Variants in FRMD1 observed in about 807,000 individuals in gnomAD.
The protein encoded by FRMD1 is FERM domain containing 1, also known as FERM domain-containing protein 1.
In FRMD1, 51 loss-of-function variants were observed where a neutral mutation model predicts 54.9. That is an observed-to-expected ratio of 0.93 (90% confidence interval 0.74 to 1.17). The LOEUF (loss-of-function observed/expected upper bound fraction) is 1.17. Ranked by LOEUF, FRMD1 falls within the 50% of genes most tolerant of loss-of-function variation. FRMD1 has a pLI of 0.00. For missense variants in FRMD1, 729 were observed against 743.0 expected (o/e 0.98, Z 0.22); for synonymous variants, 324 against 306.4 (o/e 1.06, Z -0.60).
intron 2 of FRMD1, among the ~76,000 whole-genome samples, chr6:168,074,403 G>C (rs570085109): frequency 6.6e-6 from 1 of 152,182 alleles, no homozygotes; most frequent in East Asian, 1.9e-4. Context: ...TGAGTGGTGC[G>C]TAACTGCATG....
Position 168,075,330 on chromosome 6 carries a change from C to T in FRMD1, c.219G>A (p.Lys73=), listed in dbSNP as rs754506270. The part of the protein sequence containing the change: ...REQLRLAVGV[K]ATGRELFQQV... ...GCTGGAAAAGCTCGCGGCCAGTAGC[C>T]TTCACCTGCAAAAGAGGTGGGGAGG... The change falls in exon 2 of 11, where the codon AAG becomes AAA. Residue 73 remains lysine (K), a synonymous_variant. Coordinates refer to ENST00000283309, the MANE Select transcript of FRMD1 (RefSeq NM_024919.6). The T allele has an allele frequency of 1.2e-5, 19 of 1,612,618 alleles. No individual in the cohort carries two copies. The highest frequency in any genetic ancestry group is 1.5e-5 in the Non-Finnish European group (18 of 1,179,934).
intron 2 of FRMD1, among the ~76,000 whole-genome samples, chr6:168,073,116 A>G (rs1387191569): frequency 2.6e-5 from 4 of 152,166 alleles, no homozygotes; most frequent in Non-Finnish European, 5.9e-5. Flanking sequence ...CCAGTATTCA[A>G]CCTTGACAGC....
chr6:168,068,408 C>G (rs1800149025), intron 2 of FRMD1, among the ~76,000 whole-genome samples: 2 of 152,320 alleles, frequency 1.3e-5, no homozygotes, highest in South Asian at 2.1e-4. Context: ...CTGCTGGGAA[C>G]TGGTTCCAGG....
Position 168,053,210 on chromosome 6 carries a change from C to G in FRMD1, c.*3887G>C, listed in dbSNP as rs185661271. ...CCTTTGTAGAATACCAGCTTTCTCC[C>G]GGCAGGGCTGCCCCGGATTTGTTTT... On this transcript the variant is annotated 3_prime_UTR_variant, in exon 11 of 11. Transcript: ENST00000283309. 1.3e-5 allele frequency: 2 copies of G among 152,214 alleles called. No homozygotes were observed. Among genetic ancestry groups the G allele is most frequent in the Admixed American group, 1.3e-4 (2 of 15,288 alleles). 9.4% of individuals were successfully genotyped at this position (152,214 alleles called of 1,614,324 possible).
intron 1 of FRMD1, among the ~76,000 whole-genome samples, chr6:168,078,634 T>TTGCTCACCCCCACAGCCC (rs1800706218): frequency 5.8e-5 from 2 of 34,728 alleles, no homozygotes; most frequent in Non-Finnish European, 1.1e-4. Flanking sequence ...CCCCACAGCC[T>TTGCTCACCCCCACAGCCC]TGCTCACCCC....
Position 168,077,472 on chromosome 6 carries a change from G to C in FRMD1, c.213+1410C>G, listed in dbSNP as rs1442338782. 1.8e-5 allele frequency among the ~76,000 whole-genome samples: 2 copies of C among 108,364 alleles called. 1 individual carries two copies. The highest frequency in any genetic ancestry group is 4.2e-5 in the Non-Finnish European group (2 of 47,152). The allele number at this position is 108,364 out of a possible 152,430, so 71.1% of individuals were successfully genotyped here. On this transcript the variant is annotated intron_variant, in intron 1 of 10. Transcript: ENST00000283309. ...AGACACAGATGTGCACACACCCTGTGGGGGGGTTCCTGTCTAACTGCAGAC... is the reference window on the plus strand; with the variant it reads ...AGACACAGATGTGCACACACCCTGTCGGGGGGTTCCTGTCTAACTGCAGAC...
chr6:168,073,424 A>T (rs549866490), intron 2 of FRMD1, among the ~76,000 whole-genome samples: 1 of 152,284 alleles, frequency 6.6e-6, no homozygotes, highest in South Asian at 2.1e-4. Context: ...ATGAGGTCAC[A>T]TCAGAAAGGC....
chr6:168,063,083 AT>A (rs1799837151), intron 6 of FRMD1, 124 bp from the exon 7 acceptor site: 1 of 765,542 alleles, frequency 1.3e-6, no homozygotes, highest in Non-Finnish European at 2.3e-6. Flanking sequence ...TCTGGGGCCC[AT>A]TTACAGACAG....
upstream of FRMD1, among the ~76,000 whole-genome samples, chr6:168,082,368 G>A (rs1261825089): frequency 6.6e-6 from 1 of 152,170 alleles, no homozygotes; most frequent in Non-Finnish European, 1.5e-5. Flanking sequence ...CATCGAGCCT[G>A]TACTCTGCTC....
At chr6:168,064,559 GC>G (rs1225210118) in intron 5 of FRMD1, among the ~76,000 whole-genome samples, 2 of 152,224 alleles carry the variant, frequency 1.3e-5, no homozygotes, top group Admixed American at 1.3e-4. Context: ...ACATTCCACA[GC>G]CAGGCAGCCA....
chr6:168,058,392 C>T (rs1337062449), intron 10 of FRMD1, among the ~76,000 whole-genome samples: 1 of 151,602 alleles, frequency 6.6e-6, no homozygotes, highest in African/African-American at 2.4e-5. Flanking sequence ...CCTCCCGTGC[C>T]CAGCCCTCTT....
chr6:168,080,730 G>A (rs941527862), upstream of FRMD1, among the ~76,000 whole-genome samples: 1 of 152,168 alleles, frequency 6.6e-6, no homozygotes, highest in Non-Finnish European at 1.5e-5. Flanking sequence ...CCTCGGTGGG[G>A]AGAGCCGGGG....
chr6:168,061,768 G>A (rs1799745892), intron 8 of FRMD1, 39 bp downstream of exon 8: 1 of 1,519,420 alleles, frequency 6.6e-7, no homozygotes, highest in Non-Finnish European at 8.8e-7. Context: ...AGAAGGCACA[G>A]TCCGGCTGCG....
intron 10 of FRMD1, chr6:168,057,732 G>T: frequency 4.6e-6 from 1 of 215,166 alleles, no homozygotes; most frequent in South Asian, 6.8e-5. Context: ...AACTGTCTGG[G>T]TTCAGAGGTG....
At chr6:168,080,528 G>A (rs551798956), upstream of FRMD1, among the ~76,000 whole-genome samples, 8 of 152,312 alleles carry the variant, frequency 5.3e-5, no homozygotes, top group South Asian at 6.2e-4. Context: ...TGAGCAGCTC[G>A]TCCCTGTGCC....
Position 168,057,027 on chromosome 6 carries a change from G to A in FRMD1, c.*70C>T, listed in dbSNP as rs192465899. The A allele has an allele frequency of 3.7e-5, 52 of 1,422,836 alleles. 1 individual carries two copies. The Admixed American group carries it at 1.6e-3, about 43-fold the overall frequency. 88.1% of individuals were successfully genotyped at this position (1,422,836 alleles called of 1,614,324 possible). A position where few individuals can be genotyped will look rare whatever the true frequency, so the allele number is the denominator to read the frequency against. On this transcript the variant is annotated 3_prime_UTR_variant, in exon 11 of 11. Coordinates refer to ENST00000283309, the MANE Select transcript of FRMD1 (RefSeq NM_024919.6). ...CATCTGGCGGGCAGGAAGGGACGAGGGCCATGTGGAAGTGGGGTGGGCAGG... is the reference window on the plus strand; with the variant it reads ...CATCTGGCGGGCAGGAAGGGACGAGAGCCATGTGGAAGTGGGGTGGGCAGG...
chr6:168,060,813 G>A lies in FRMD1; in HGVS notation c.1290C>T (p.Ser430=), dbSNP rs375700373. Residue 430 remains serine, a synonymous_variant, in exon 9 of 11, where the codon TCC becomes TCT. Transcript: ENST00000283309. ...EVHGLHEKEP[S]SSPRTSRSHP... ...GGCTGCGGCTGGTCCTGGGGCTGGA[G>A]GACGGCTCCTTCTCATGGAGCCCGT... 8 of 1,613,074 alleles carry A rather than the reference G, an allele frequency of 5.0e-6. No individual in the cohort carries two copies. The East Asian group carries it at 6.7e-5, about 13-fold the overall frequency.
At chr6:168,078,553 CCCACGGCT>C (rs1800694747) in intron 1 of FRMD1, among the ~76,000 whole-genome samples, 1 of 146,600 alleles carries the variant, frequency 6.8e-6, no homozygotes, top group Non-Finnish European at 1.5e-5. Flanking sequence ...CCTGCTCACC[CCCACGGCT>C]CTGCTCACCC....
upstream of FRMD1, among the ~76,000 whole-genome samples, chr6:168,080,870 T>TGGTGTGTGTGGGC (rs1562432856): frequency 9.3e-5 from 14 of 149,916 alleles, no homozygotes; most frequent in African/African-American, 3.5e-4. Context: ...TGTGTGCGGG[T>TGGTGTGTGTGGGC]GCTGGTGTGT....
Sources: gnomAD v4.1 joint callset for allele counts (sites outside exome capture counted in the v4.1 genomes callset) on GRCh38, gnomAD v4.1.1 for gene constraint, MANE v1.5 for transcripts, NCBI Gene and HGNC (gene_info 2026-07-23, HGNC 2026-07-21) for gene names.